The following RPTOR variants were observed in gnomAD, a reference collection of about 807,000 sequenced individuals.
RPTOR encodes regulatory-associated protein of mTOR.
Under a neutral mutation model 169.9 loss-of-function variants are expected in RPTOR, and 21 were observed. The observed-to-expected ratio is 0.12, with a 90% CI of 0.09 to 0.18. The LOEUF (loss-of-function observed/expected upper bound fraction) is 0.18, where lower values mean the gene tolerates loss of function less well. RPTOR is among the 10% of genes least tolerant of loss of function. The probability of loss-of-function intolerance (pLI) is 1.00; values close to 1 mark genes in which losing one functional copy is unlikely to be tolerated. For missense variants in RPTOR, 1,133 were observed against 1,855.9 expected, an observed-to-expected ratio of 0.61 and a Z score of 7.16; for synonymous variants, 732 against 753.2, an observed-to-expected ratio of 0.97 and a Z score of 0.46.
rs1186312888 is a variant in RPTOR at position 80,545,524 on chromosome 17, T to C, written c.-106T>C. On this transcript the variant is annotated 5_prime_UTR_variant, in exon 1 of 34. Coordinates refer to ENST00000306801, the MANE Select transcript of RPTOR (RefSeq NM_020761.3). The stretch of plus-strand genomic sequence containing the variant: ...CTCTTTATCCATTTGGTTTTCGATT[T>C]CCCGTTTTTGTTTCTTATTTCACCA... 5.6e-6 allele frequency: 5 copies of C among 887,422 alleles called. No individual in the cohort carries two copies. Among genetic ancestry groups the C allele is most frequent in the Non-Finnish European group, 7.0e-6 (4 of 571,286 alleles). 55.0% of individuals were successfully genotyped at this position (887,422 alleles called of 1,614,324 possible).
At chr17:80,569,592 A>G (rs969114083) in intron 1 of RPTOR, among the ~76,000 whole-genome samples, 7 of 152,198 alleles carry the variant, frequency 4.6e-5, no homozygotes, top group Admixed American at 3.9e-4. Context: ...TTGGAAAACT[A>G]TGGCCCCTTG....
At chr17:80,770,875 G>A (rs1426472796) in intron 6 of RPTOR, among the ~76,000 whole-genome samples, 2 of 152,148 alleles carry the variant, frequency 1.3e-5, no homozygotes, top group South Asian at 2.1e-4. Context: ...TCCTTAAATC[G>A]GGCATCTTCC....
chr17:80,729,313 A>G (rs764601066), intron 4 of RPTOR, among the ~76,000 whole-genome samples: 2 of 152,184 alleles, frequency 1.3e-5, no homozygotes, highest in African/African-American at 4.8e-5. Context: ...GATTTTTGCC[A>G]ATTTCTGGGA....
At chr17:80,700,718 GTGGTGGTGGTGA>G (rs2066088089) in intron 3 of RPTOR, among the ~76,000 whole-genome samples, 1 of 5,896 alleles carries the variant, frequency 1.7e-4, no homozygotes, top group African/African-American at 4.4e-4. Flanking sequence ...GATGGTGGTG[GTGGTGGTGGTGA>G]TGATGGTGGT....
chr17:80,912,527 T>G (rs560253601), intron 21 of RPTOR, among the ~76,000 whole-genome samples: 1 of 152,304 alleles, frequency 6.6e-6, no homozygotes, highest in South Asian at 2.1e-4. Flanking sequence ...GACTATTAAG[T>G]GCGTTCCTGT....
At chr17:80,703,626 T>C (rs1328266528) in intron 3 of RPTOR, among the ~76,000 whole-genome samples, 1 of 152,138 alleles carries the variant, frequency 6.6e-6, no homozygotes, top group Non-Finnish European at 1.5e-5. Context: ...CCATTTTTGC[T>C]CTTCCCTACT....
chr17:80,709,288 C>A (rs1419924864), intron 4 of RPTOR, among the ~76,000 whole-genome samples: 2 of 152,220 alleles, frequency 1.3e-5, no homozygotes. Context: ...CAGGCGTGCA[C>A]CACAGGCCCC....
rs188001320 is a variant in RPTOR at position 80,886,421 on chromosome 17, C to T, written c.1983+1273C>T. Among the ~76,000 whole-genome samples the T allele has an allele frequency of 7.4e-4, 112 of 152,318 alleles. No individual in the cohort carries two copies. The East Asian group carries it at 0.011, about 15-fold the overall frequency. On this transcript the variant is annotated intron_variant, in intron 17 of 33. Transcript: ENST00000306801. Reference sequence around the variant, plus strand: ...GTTGCCATCACGTTCTCCTCGTGGCCGGGTTTCTGAACCTGGCTTCTTTTG... The same window carrying T: ...GTTGCCATCACGTTCTCCTCGTGGCTGGGTTTCTGAACCTGGCTTCTTTTG...
At chr17:80,603,656 A>G (rs1376630567) in intron 1 of RPTOR, among the ~76,000 whole-genome samples, 2 of 152,200 alleles carry the variant, frequency 1.3e-5, no homozygotes, top group Non-Finnish European at 1.5e-5. Context: ...GAAAGGGTGC[A>G]TGGGGTGAGG....
chr17:80,548,842 A>G (rs965346738), intron 1 of RPTOR, among the ~76,000 whole-genome samples: 5 of 152,178 alleles, frequency 3.3e-5, no homozygotes, highest in African/African-American at 4.8e-5. Context: ...TACATCAACT[A>G]CTTCCTGGTG....
In RPTOR at chr17:80,681,765, G is replaced by C. The variant is rs908539202; in HGVS notation, c.349-26076G>C. On this transcript the variant is annotated intron_variant, in intron 3 of 33. Coordinates refer to ENST00000306801, the MANE Select transcript of RPTOR (RefSeq NM_020761.3). ...GTGTACGTCTCTTACACCTTCATGAGGTGTACGTCTCTTACACCTTCATGA... is the reference window on the plus strand; with the variant it reads ...GTGTACGTCTCTTACACCTTCATGACGTGTACGTCTCTTACACCTTCATGA... Among the ~76,000 whole-genome samples the C allele has an allele frequency of 7.9e-4, 91 of 114,558 alleles. 5 individuals are homozygous for C. Among genetic ancestry groups the C allele is most frequent in the Non-Finnish European group, 1.4e-3 (77 of 54,968 alleles). 75.2% of individuals were successfully genotyped at this position (114,558 alleles called of 152,430 possible).
At chr17:80,645,054 C>T (rs1199843014) in intron 3 of RPTOR, among the ~76,000 whole-genome samples, 3 of 152,148 alleles carry the variant, frequency 2.0e-5, no homozygotes, top group South Asian at 4.1e-4. Context: ...CTTGAGGGCG[C>T]AGTGCGTTTG....
At chr17:80,943,688 G>A (rs554003341) in intron 25 of RPTOR, among the ~76,000 whole-genome samples, 16 of 152,142 alleles carry the variant, frequency 1.1e-4, no homozygotes, top group African/African-American at 3.4e-4. Context: ...GACTGGAGGC[G>A]GGCAACGGTC....
rs966094390 is a variant in RPTOR at position 80,845,249 on chromosome 17, G to A, written c.1213-1224G>A. ...ACGTGGCTGGGCTAACTGGGAGCTC[G>A]GGCCCACCCGGTGTGGCCCACGGAG... is the stretch of plus-strand genomic sequence containing the variant. On this transcript the variant is annotated intron_variant, in intron 10 of 33. Transcript: ENST00000306801. This position sits in a 1 kb window ranked among gnomAD's most constrained non-coding sequence, Gnocchi z 5.4. Among the ~76,000 whole-genome samples the A allele has an allele frequency of 3.3e-5, 5 of 152,120 alleles. No individual in the cohort carries two copies. Among genetic ancestry groups the A allele is most frequent in the Non-Finnish European group, 7.4e-5 (5 of 68,014 alleles).
At chr17:80,829,864 A>T (rs552454830) in intron 9 of RPTOR, among the ~76,000 whole-genome samples, 1 of 152,362 alleles carries the variant, frequency 6.6e-6, no homozygotes, top group African/African-American at 2.4e-5. Flanking sequence ...TTGTACAGAA[A>T]TCAATGATGA....
chr17:80,928,520 A>C (rs576205884), intron 24 of RPTOR, among the ~76,000 whole-genome samples: 1 of 152,366 alleles, frequency 6.6e-6, no homozygotes, highest in East Asian at 1.9e-4. Flanking sequence ...ACTGACATGC[A>C]ACTAGCGATT....
At chr17:80,597,737 C>T (rs142731837) in intron 1 of RPTOR, among the ~76,000 whole-genome samples, 156 of 152,210 alleles carry the variant, frequency 1.0e-3, no homozygotes, top group Admixed American at 1.7e-3. Context: ...TGGTCTCGAA[C>T]TCCTGAGTTT....
chr17:80,938,108 A>T (rs944867404), intron 24 of RPTOR, among the ~76,000 whole-genome samples: 4 of 152,230 alleles, frequency 2.6e-5, no homozygotes, highest in African/African-American at 9.6e-5. Flanking sequence ...GGGCCCTTGC[A>T]GTGCCGTGGC....
rs2084505258 is a variant in RPTOR at position 80,562,046 on chromosome 17, G to T, written c.162+16255G>T. On this transcript the variant is annotated intron_variant, in intron 1 of 33. Transcript: ENST00000306801. The surrounding 1 kb of genome is among the most constrained non-coding windows in gnomAD (Gnocchi z 4.4). The stretch of plus-strand genomic sequence containing the variant: ...TGTGTGTGTTAGGGAGGAGCATGGT[G>T]TGGGGTGGGGAGTCTCTTGAGGGTA... Among the ~76,000 whole-genome samples the T allele has an allele frequency of 6.6e-6, 1 of 152,122 alleles. No individual in the cohort carries two copies.
Sources: gnomAD v4.1 joint callset for allele counts (sites outside exome capture counted in the v4.1 genomes callset) on GRCh38, gnomAD v4.1.1 for gene constraint, Gnocchi (gnomAD v3.1) non-coding constraint, MANE v1.5 for transcripts, NCBI Gene and HGNC (gene_info 2026-07-23, HGNC 2026-07-21) for gene names.